Variants in LPCAT2 observed in about 807,000 individuals in gnomAD.
The protein encoded by LPCAT2 is lysophosphatidylcholine acyltransferase 2, also known as 1-AGP acyltransferase 11.
A neutral mutation model predicts 64.7 loss-of-function variants in LPCAT2; 58 were observed. The observed-to-expected ratio is 0.90, with a 90% CI of 0.73 to 1.12. LPCAT2 has a LOEUF of 1.12. LPCAT2 is among the 50% of genes most tolerant of loss of function. The pLI, the probability that LPCAT2 is intolerant of heterozygous loss-of-function variation, is 0.00. For missense variants in LPCAT2, 579 were observed against 669.8 expected, an observed-to-expected ratio of 0.86 and a Z score of 1.50; for synonymous variants, 252 against 245.3, an observed-to-expected ratio of 1.03 and a Z score of -0.26.
Position 55,534,430 on chromosome 16 carries a change from T to C in LPCAT2, c.763-13T>C. 5 of 1,512,518 alleles carry C rather than the reference T, an allele frequency of 3.3e-6. No homozygotes were observed. Among genetic ancestry groups the C allele is most frequent in the Non-Finnish European group, 4.5e-6 (5 of 1,099,604 alleles). 93.7% of individuals were successfully genotyped at this position (1,512,518 alleles called of 1,614,324 possible). A position where few individuals can be genotyped will look rare whatever the true frequency, so the allele number is the denominator to read the frequency against. On this transcript the variant is annotated splice_polypyrimidine_tract_variant and intron_variant, in intron 6 of 13. Transcript: ENST00000262134. ...CCTCCAGACCAACAGCTAAAATAATTTTGTTATTATAGGATACTGTGACCT... is the reference window on the plus strand; with the variant it reads ...CCTCCAGACCAACAGCTAAAATAATCTTGTTATTATAGGATACTGTGACCT...
intron 11 of LPCAT2, among the ~76,000 whole-genome samples, chr16:55,554,735 C>T (rs1184115814): frequency 1.3e-5 from 2 of 152,172 alleles, no homozygotes; most frequent in Non-Finnish European, 2.9e-5. Context: ...GACATGCCTT[C>T]CTCACTAAGC....
At chr16:55,561,336 T>G (rs1963633485) in intron 11 of LPCAT2, among the ~76,000 whole-genome samples, 1 of 151,306 alleles carries the variant, frequency 6.6e-6, no homozygotes, top group African/African-American at 2.4e-5. Flanking sequence ...TGGGACTAAA[T>G]TATCCATCAG....
chr16:55,529,886 C>CCG lies in LPCAT2; in HGVS notation c.582_583insGC (p.Arg195AlafsTer6). 7.0e-7 allele frequency: 1 copy of CCG among 1,435,686 alleles called. No individual in the cohort carries two copies. The highest frequency in any genetic ancestry group is 2.0e-5 in the African/African-American group (1 of 50,092). The allele number at this position is 1,435,686 out of a possible 1,614,324, so 88.9% of individuals were successfully genotyped here. A position where few individuals can be genotyped will look rare whatever the true frequency, so the allele number is the denominator to read the frequency against. On this transcript the variant is annotated frameshift_variant, in exon 4 of 14. Coordinates refer to ENST00000262134, the MANE Select transcript of LPCAT2 (RefSeq NM_017839.5). LOFTEE classifies it high-confidence loss of function. Reference sequence around the variant, plus strand: ...TTGGTGTCCCGTGTAGATCCGGATTCCCGAAAAAACACAATAAATGAAATA... The same window carrying CCG: ...TTGGTGTCCCGTGTAGATCCGGATTCCGCCGAAAAAACACAATAAATGAAATA...
At chr16:55,572,218 A>C (rs1186003866) in intron 11 of LPCAT2, among the ~76,000 whole-genome samples, 2 of 152,172 alleles carry the variant, frequency 1.3e-5, no homozygotes, top group African/African-American at 4.8e-5. Context: ...TCCATCTGCA[A>C]AATGACTTAA....
intron 1 of LPCAT2, among the ~76,000 whole-genome samples, chr16:55,513,698 C>T (rs761093362): frequency 5.9e-5 from 9 of 152,126 alleles, no homozygotes; most frequent in Non-Finnish European, 1.3e-4. Context: ...AAACCAACGG[C>T]CTACAGTCAT....
chr16:55,572,970 C>T (rs1308638319), intron 11 of LPCAT2, among the ~76,000 whole-genome samples: 1 of 152,146 alleles, frequency 6.6e-6, no homozygotes. Context: ...ACAAAAACAG[C>T]TCTCTGACAG....
Position 55,574,673 on chromosome 16 carries a change from C to T in LPCAT2, c.1258C>T (p.Leu420=), listed in dbSNP as rs1299739731. The part of the protein sequence containing the change: ...SIDFREYVIG[L]AVLCNPSNTE... ...TGACTTCCGAGAGTATGTGATTGGC[C>T]TGGCTGTCTTGTGCAACCCTTCCAA... Residue 420 remains leucine, a synonymous_variant, in exon 12 of 14, where the codon CTG becomes TTG. Coordinates refer to ENST00000262134, the MANE Select transcript of LPCAT2 (RefSeq NM_017839.5). 6.2e-7 allele frequency: 1 copy of T among 1,613,602 alleles called. No individual in the cohort carries two copies. The highest frequency in any genetic ancestry group is 8.5e-7 in the Non-Finnish European group (1 of 1,179,686).
intron 3 of LPCAT2, among the ~76,000 whole-genome samples, chr16:55,528,833 T>C (rs1437907539): frequency 1.3e-5 from 2 of 152,208 alleles, no homozygotes; most frequent in Non-Finnish European, 2.9e-5. Context: ...TCATTGTCTT[T>C]CTGTTCTTAT....
At chr16:55,580,860 T>C (rs1963881144) in intron 13 of LPCAT2, among the ~76,000 whole-genome samples, 1 of 133,244 alleles carries the variant, frequency 7.5e-6, no homozygotes, top group Admixed American at 7.4e-5. Context: ...GAACTGCACA[T>C]GTGAGGGATC....
chr16:55,551,254 C>G, intron 11 of LPCAT2, 152 bp downstream of exon 11: 1 of 474,024 alleles, frequency 2.1e-6, no homozygotes, highest in Admixed American at 4.0e-5. Flanking sequence ...TTTTTTTCTC[C>G]TTAATAGTAA....
intron 10 of LPCAT2, among the ~76,000 whole-genome samples, chr16:55,549,676 T>C (rs1349455912): frequency 6.6e-6 from 1 of 152,076 alleles, no homozygotes; most frequent in Non-Finnish European, 1.5e-5. Context: ...TCAGAGGGAG[T>C]TAGTGGCTCA....
Position 55,585,912 on chromosome 16 carries a change from T to C in LPCAT2, c.*2814T>C, listed in dbSNP as rs1228316132. 6.6e-6 allele frequency: 1 copy of C among 152,204 alleles called. No homozygotes were observed. The highest frequency in any genetic ancestry group is 2.4e-5 in the African/African-American group (1 of 41,474). The allele number at this position is 152,204 out of a possible 1,614,324, so 9.4% of individuals were successfully genotyped here. ...TGGTTAATTGAAGGCCACTAATTGATGCTCAAATAGAAGGATATTGACTAT... is the reference window on the plus strand; with the variant it reads ...TGGTTAATTGAAGGCCACTAATTGACGCTCAAATAGAAGGATATTGACTAT... On this transcript the variant is annotated 3_prime_UTR_variant, in exon 14 of 14. Coordinates refer to ENST00000262134, the MANE Select transcript of LPCAT2 (RefSeq NM_017839.5).
chr16:55,530,555 C>T (rs1362014049), intron 4 of LPCAT2, among the ~76,000 whole-genome samples: 1 of 152,046 alleles, frequency 6.6e-6, no homozygotes, highest in African/African-American at 2.4e-5. Context: ...ACTCCTTTAT[C>T]TTTGCCCAGT....
intron 11 of LPCAT2, among the ~76,000 whole-genome samples, chr16:55,558,953 C>A (rs1349797808): frequency 6.6e-6 from 1 of 152,076 alleles, no homozygotes; most frequent in African/African-American, 2.4e-5. Flanking sequence ...GGGTATTCTA[C>A]ATCTGATTTA....
rs17243777 is a variant in LPCAT2, at chr16:55,529,820, T to G, written c.530-15T>G. 5,144 of 1,561,388 alleles carry G rather than the reference T, an allele frequency of 3.3e-3. 36 individuals carry two copies. Among genetic ancestry groups the G allele is most frequent in the Middle Eastern group, 0.017 (98 of 5,884 alleles). On this transcript the variant is annotated splice_polypyrimidine_tract_variant and intron_variant, in intron 3 of 13. Transcript: ENST00000262134. ...CAAAAAATGGCTTGCCTGTAACTTT[T>G]CATTTGTTTTAAAGGACTGTTACGG...
At chr16:55,527,479 C>CAAA in intron 2 of LPCAT2, among the ~76,000 whole-genome samples, 1 of 58,364 alleles carries the variant, frequency 1.7e-5, no homozygotes, top group East Asian at 4.6e-4. Flanking sequence ...AACTCCATCT[C>CAAA]AAAAAAAAAA....
intron 8 of LPCAT2, chr16:55,540,725 G>C (rs1234665340): frequency 5.5e-6 from 1 of 183,144 alleles, no homozygotes; most frequent in Non-Finnish European, 1.1e-5. Context: ...TATATAATAA[G>C]TCCCCCCTTA....
chr16:55,565,584 T>C lies in LPCAT2; in HGVS notation c.1216-9047T>C, dbSNP rs192505961. ...ATGAATCTTGAAGAAATTATGCTCATTGAAATAAGCAAGTCACAAAAGAAC... is the reference window on the plus strand; with the variant it reads ...ATGAATCTTGAAGAAATTATGCTCACTGAAATAAGCAAGTCACAAAAGAAC... On this transcript the variant is annotated intron_variant, in intron 11 of 13. Coordinates refer to ENST00000262134, the MANE Select transcript of LPCAT2 (RefSeq NM_017839.5). Among the ~76,000 whole-genome samples, 97 of 152,220 alleles carry C rather than the reference T, an allele frequency of 6.4e-4. No individual in the cohort carries two copies. The East Asian group carries it at 0.014, about 22-fold the overall frequency.
intron 12 of LPCAT2, among the ~76,000 whole-genome samples, chr16:55,576,554 C>T (rs1963830101): frequency 6.6e-6 from 1 of 152,086 alleles, no homozygotes; most frequent in African/African-American, 2.4e-5. Flanking sequence ...GCAGGAACAG[C>T]CTTACAACCT....
Sources: allele counts gnomAD v4.1 joint callset (sites outside exome capture counted in the v4.1 genomes callset), GRCh38; gene constraint gnomAD v4.1.1; transcripts MANE v1.5; gene names NCBI Gene and HGNC (gene_info 2026-07-23, HGNC 2026-07-21).